PPP1R42: variants seen among roughly 807,000 people sequenced by gnomAD.
The protein encoded by PPP1R42 is protein phosphatase 1 regulatory subunit 42.
PPP1R42 carries 34 observed loss-of-function variants against 31.0 expected under a neutral mutation model. That is an observed-to-expected ratio of 1.10 (90% CI 0.83 to 1.46). PPP1R42 has a LOEUF of 1.46. PPP1R42 is among the 40% of genes most tolerant of loss of function. The pLI, the probability that PPP1R42 is intolerant of heterozygous loss-of-function variation, is 0.00. For missense variants in PPP1R42, 268 were observed against 303.0 expected, an observed-to-expected ratio of 0.88 and a Z score of 0.86; for synonymous variants, 103 against 109.8, an observed-to-expected ratio of 0.94 and a Z score of 0.39.
At chr8:66,969,928 A>T (rs551117361) in intron 7 of PPP1R42, among the ~76,000 whole-genome samples, 1 of 152,154 alleles carries the variant, frequency 6.6e-6, no homozygotes, top group Non-Finnish European at 1.5e-5. Flanking sequence ...AATTTATAAG[A>T]TGTATTAGGA....
chr8:67,003,609 G>T, intron 5 of PPP1R42, among the ~76,000 whole-genome samples: 1 of 151,686 alleles, frequency 6.6e-6, no homozygotes, highest in East Asian at 1.9e-4. Context: ...TTCTGGTCCT[G>T]GTTACTACAT....
chr8:66,965,295 T>C (rs557773346), intron 7 of PPP1R42, among the ~76,000 whole-genome samples: 54 of 151,382 alleles, frequency 3.6e-4, no homozygotes, highest in African/African-American at 8.0e-4. Context: ...AACCTTTGGA[T>C]TGTTCCCAGT....
At chr8:67,024,273 G>A (rs189572955) in intron 1 of PPP1R42, among the ~76,000 whole-genome samples, 3 of 152,204 alleles carry the variant, frequency 2.0e-5, no homozygotes, top group Non-Finnish European at 2.9e-5. Flanking sequence ...TTTTGCATTA[G>A]GAGATGTGGT....
At chr8:66,991,383 G>A (rs1327161500) in intron 5 of PPP1R42, among the ~76,000 whole-genome samples, 2 of 152,094 alleles carry the variant, frequency 1.3e-5, no homozygotes, top group East Asian at 3.9e-4. Flanking sequence ...ATGAATATCT[G>A]TTTAAAGGAG....
intron 6 of PPP1R42, chr8:66,988,027 T>G: frequency 1.9e-6 from 1 of 518,442 alleles, no homozygotes; most frequent in African/African-American, 2.1e-5. Context: ...CAATGAAAAC[T>G]TTGATCAATT....
chr8:66,991,397 C>A (rs1447650442), intron 5 of PPP1R42, among the ~76,000 whole-genome samples: 2 of 152,116 alleles, frequency 1.3e-5, no homozygotes, highest in East Asian at 3.8e-4. Context: ...AAAGGAGGTA[C>A]AGGAAAAACA....
chr8:67,019,132 G>A (rs552320800), intron 1 of PPP1R42, among the ~76,000 whole-genome samples: 4 of 150,664 alleles, frequency 2.7e-5, no homozygotes, highest in East Asian at 2.0e-4. Flanking sequence ...CACTGCGCCC[G>A]AGCCATGCAC....
chr8:66,972,689 C>T (rs111402228), intron 7 of PPP1R42, among the ~76,000 whole-genome samples: 2,156 of 152,150 alleles, frequency 0.014, 21 homozygotes, highest in Non-Finnish European at 0.022. Context: ...CGCACCTGGC[C>T]GAGACCATTT....
At chr8:66,999,751 T>C (rs1031677277) in intron 5 of PPP1R42, among the ~76,000 whole-genome samples, 3 of 152,268 alleles carry the variant, frequency 2.0e-5, no homozygotes, top group Admixed American at 1.3e-4. Flanking sequence ...CTTGGAGTTC[T>C]CTTTGCGGTG....
At position 67,010,588 on chromosome 8, in the gene PPP1R42, T is replaced by C. The variant is rs1815811929; in HGVS notation, c.552+127A>G. The C allele has an allele frequency of 5.9e-6, 4 of 680,926 alleles. No homozygotes were observed. In the South Asian group the frequency reaches 7.2e-5, roughly 12 times the overall value. The allele number at this position is 680,926 out of a possible 1,614,324, so 42.2% of individuals were successfully genotyped here. ...AAATACATTGAGAAGTAGGGATTCA[T>C]TAGCTAATTTTAGAACAAATCCAGA... On this transcript the variant is annotated intron_variant, in intron 5 of 7. Transcript: ENST00000685739.
intron 7 of PPP1R42, chr8:66,971,070 AAAGGCT>A (rs1814526654): frequency 2.0e-6 from 3 of 1,534,386 alleles, no homozygotes; most frequent in Non-Finnish European, 2.6e-6. Flanking sequence ...TTTCAGAGAA[AAAGGCT>A]AATTTTGGCT....
chr8:66,966,707 C>T (rs2130907831), intron 7 of PPP1R42, among the ~76,000 whole-genome samples: 1 of 152,068 alleles, frequency 6.6e-6, no homozygotes, highest in Non-Finnish European at 1.5e-5. Flanking sequence ...ATGGCATGAA[C>T]CCGGGAGGCA....
intron 2 of PPP1R42, 121 bp downstream of exon 2, chr8:67,017,497 CA>C (rs1195531158): frequency 7.9e-3 from 3,699 of 466,944 alleles, no homozygotes; most frequent in South Asian, 0.011. Context: ...GACTCTATCT[CA>C]AAAAAAAAAG....
intron 1 of PPP1R42, among the ~76,000 whole-genome samples, chr8:67,018,990 C>G (rs541519357): frequency 6.6e-6 from 1 of 151,254 alleles, no homozygotes; most frequent in African/African-American, 2.4e-5. Flanking sequence ...CCGCCATGCC[C>G]GGCTAATTTT....
In PPP1R42 at chr8:66,993,735, T is replaced by C. The variant is rs559653285; in HGVS notation, c.553-5218A>G. 2.4e-4 allele frequency among the ~76,000 whole-genome samples: 36 copies of C among 152,346 alleles called. No individual in the cohort carries two copies. In the South Asian group the frequency reaches 5.4e-3, roughly 23 times the overall value. On this transcript the variant is annotated intron_variant, in intron 5 of 7. Coordinates refer to ENST00000685739, the MANE Select transcript of PPP1R42 (RefSeq NM_001364910.1). ...TTCTCTTCCCCTGAATGTTGAGAATTCCTCAAGGCCAGGGATCATATCTGT... is the reference window on the plus strand; with the variant it reads ...TTCTCTTCCCCTGAATGTTGAGAATCCCTCAAGGCCAGGGATCATATCTGT...
chr8:66,966,671 G>A (rs1814389518), intron 7 of PPP1R42, among the ~76,000 whole-genome samples: 1 of 151,976 alleles, frequency 6.6e-6, no homozygotes, highest in African/African-American at 2.4e-5. Flanking sequence ...TGTAGTCCGA[G>A]CTACTCGGGA....
At chr8:66,994,163 G>A (rs187019258) in intron 5 of PPP1R42, among the ~76,000 whole-genome samples, 2 of 152,204 alleles carry the variant, frequency 1.3e-5, no homozygotes, top group Non-Finnish European at 2.9e-5. Flanking sequence ...GTCTAAAGAT[G>A]TGAGGAGAGG....
intron 7 of PPP1R42, among the ~76,000 whole-genome samples, chr8:66,969,095 AGT>A: frequency 6.6e-6 from 1 of 152,266 alleles, no homozygotes; most frequent in Non-Finnish European, 1.5e-5. Context: ...ATGAGGGTAG[AGT>A]GATTTATTTG....
intron 5 of PPP1R42, among the ~76,000 whole-genome samples, chr8:67,003,963 G>T (rs1465343670): frequency 6.6e-6 from 1 of 152,092 alleles, no homozygotes; most frequent in Non-Finnish European, 1.5e-5. Context: ...GGTGGCGGGC[G>T]CCTGTAGTCC....
Sources: allele counts gnomAD v4.1 joint callset (sites outside exome capture counted in the v4.1 genomes callset), GRCh38; gene constraint gnomAD v4.1.1; transcripts MANE v1.5; gene names NCBI Gene and HGNC (gene_info 2026-07-23, HGNC 2026-07-21).